The following SGCZ variants were observed in gnomAD, a reference collection of about 807,000 sequenced individuals.
SGCZ encodes sarcoglycan zeta.
SGCZ carries 40 observed loss-of-function variants against 41.3 expected under a neutral mutation model. The ratio of observed to expected loss-of-function variants is 0.97; its 90% CI spans 0.75 to 1.26. The LOEUF (loss-of-function observed/expected upper bound fraction) is 1.26. Among genes scored for constraint, SGCZ ranks in the 50% most tolerant of loss-of-function variants. The probability of loss-of-function intolerance (pLI) is 0.00; values close to 1 mark genes in which losing one functional copy is unlikely to be tolerated. For synonymous variants in SGCZ, 206 were observed against 137.5 expected, an observed-to-expected ratio of 1.50 and a Z score of -3.49; for missense variants, 552 against 369.8, an observed-to-expected ratio of 1.49 and a Z score of -4.04.
At chr8:14,870,761 T>C (rs560561402) in intron 1 of SGCZ, among the ~76,000 whole-genome samples, 1 of 148,694 alleles carries the variant, frequency 6.7e-6, no homozygotes, top group Admixed American at 6.7e-5. Flanking sequence ...AAAAAGTGGG[T>C]GAAGAATACG....
chr8:15,052,478 G>A (rs1471140062), intron 1 of SGCZ, among the ~76,000 whole-genome samples: 1 of 152,088 alleles, frequency 6.6e-6, no homozygotes, highest in Admixed American at 6.5e-5. Flanking sequence ...AGTAGAGGGG[G>A]ATCTGTGCAT....
chr8:14,343,372 G>A (rs1159727243), intron 2 of SGCZ, among the ~76,000 whole-genome samples: 1 of 152,170 alleles, frequency 6.6e-6, no homozygotes, highest in Admixed American at 6.5e-5. Context: ...AAAAGCCACA[G>A]ACACTCAACA....
intron 2 of SGCZ, among the ~76,000 whole-genome samples, chr8:14,414,401 G>C (rs1013841485): frequency 1.3e-5 from 2 of 151,866 alleles, no homozygotes; most frequent in African/African-American, 2.4e-5. Context: ...GAGAGTACAA[G>C]TAAAATTCCT....
intron 1 of SGCZ, among the ~76,000 whole-genome samples, chr8:15,096,406 A>G (rs965603775): frequency 6.6e-6 from 1 of 152,122 alleles, no homozygotes; most frequent in African/African-American, 2.4e-5. Context: ...GTTTATTGAA[A>G]TTCATGATTG....
At chr8:15,173,704 C>G (rs1799916132) in intron 1 of SGCZ, among the ~76,000 whole-genome samples, 2 of 152,128 alleles carry the variant, frequency 1.3e-5, no homozygotes, top group South Asian at 4.1e-4. Context: ...GAATGGTCAT[C>G]AGGCAGTTTT....
chr8:14,153,029 G>A (rs1210207251), intron 5 of SGCZ, among the ~76,000 whole-genome samples: 1 of 152,106 alleles, frequency 6.6e-6, no homozygotes, highest in Admixed American at 6.5e-5. Flanking sequence ...CGTGAGGGTG[G>A]AGGAAAAGGA....
At chr8:14,918,345 T>G (rs1402413099) in intron 1 of SGCZ, among the ~76,000 whole-genome samples, 1 of 152,088 alleles carries the variant, frequency 6.6e-6, no homozygotes, top group Non-Finnish European at 1.5e-5. Flanking sequence ...GAACATTTTC[T>G]TCTTCATGAA....
chr8:14,630,138 G>A (rs1326253864), intron 1 of SGCZ, among the ~76,000 whole-genome samples: 1 of 152,002 alleles, frequency 6.6e-6, no homozygotes, highest in Non-Finnish European at 1.5e-5. Context: ...TTCTCCCTAT[G>A]AAAGCAAAAT....
chr8:15,048,355 G>A (rs1037343695), intron 1 of SGCZ, among the ~76,000 whole-genome samples: 1 of 151,902 alleles, frequency 6.6e-6, no homozygotes, highest in Non-Finnish European at 1.5e-5. Context: ...GATGAAGAGA[G>A]GTTGGTTAAT....
intron 1 of SGCZ, among the ~76,000 whole-genome samples, chr8:15,187,737 A>T (rs1161532558): frequency 6.6e-6 from 1 of 152,066 alleles, no homozygotes; most frequent in African/African-American, 2.4e-5. Flanking sequence ...AACTATAGCC[A>T]TAAGGTTTTT....
At chr8:15,100,743 G>A (rs1806577540) in intron 1 of SGCZ, among the ~76,000 whole-genome samples, 1 of 152,148 alleles carries the variant, frequency 6.6e-6, no homozygotes, top group Non-Finnish European at 1.5e-5. Flanking sequence ...GGCATTTTGG[G>A]AGGCCAAACA....
chr8:14,790,455 C>T (rs367595209), intron 1 of SGCZ, among the ~76,000 whole-genome samples: 66 of 152,138 alleles, frequency 4.3e-4, no homozygotes, highest in East Asian at 2.5e-3. Flanking sequence ...ATGTATCAAA[C>T]GCATAAAAAA....
At chr8:14,235,239 T>C (rs948565293) in intron 4 of SGCZ, among the ~76,000 whole-genome samples, 2 of 152,218 alleles carry the variant, frequency 1.3e-5, no homozygotes, top group Admixed American at 1.3e-4. Context: ...CACACAGCCC[T>C]AGTCTTCTTT....
chr8:14,834,184 A>T (rs940591555), intron 1 of SGCZ, among the ~76,000 whole-genome samples: 3 of 152,110 alleles, frequency 2.0e-5, no homozygotes, highest in African/African-American at 7.2e-5. Flanking sequence ...TTTCCTGAAC[A>T]ACTGTGTCCT....
At position 15,237,601 on chromosome 8, in the gene SGCZ, T is replaced by C; in HGVS notation, c.23A>G (p.Asp8Gly). 1 of 1,590,938 alleles carries C rather than the reference T, an allele frequency of 6.3e-7. No homozygotes were observed. The highest frequency in any genetic ancestry group is 8.6e-7 in the Non-Finnish European group (1 of 1,166,896). Residue 8 changes from aspartate to glycine, a missense_variant, in exon 1 of 8, where the codon GAC (aspartate) becomes GGC (glycine). Coordinates refer to ENST00000382080, the MANE Select transcript of SGCZ (RefSeq NM_139167.4). Reference sequence around the variant, plus strand: ...CGCACGTACCTTGAGCTCCTCAATGTCCAGGTTCGTTGATCTGTCCATGGA... The same window carrying C: ...CGCACGTACCTTGAGCTCCTCAATGCCCAGGTTCGTTGATCTGTCCATGGA... MDRSTNL[D>G]IEELKMTREQ...
intron 3 of SGCZ, among the ~76,000 whole-genome samples, chr8:14,243,204 G>C (rs1015116088): frequency 1.3e-5 from 2 of 151,964 alleles, no homozygotes; most frequent in Non-Finnish European, 2.9e-5. Flanking sequence ...TAGATGATGT[G>C]AATTTGGTAT....
chr8:14,222,320 C>T (rs1472118892), intron 4 of SGCZ, among the ~76,000 whole-genome samples: 1 of 151,966 alleles, frequency 6.6e-6, no homozygotes, highest in Non-Finnish European at 1.5e-5. Flanking sequence ...CAGGCACCCA[C>T]CACCATACCC....
At chr8:15,105,169 A>C (rs1434243114) in intron 1 of SGCZ, among the ~76,000 whole-genome samples, 2 of 152,198 alleles carry the variant, frequency 1.3e-5, no homozygotes, top group East Asian at 3.8e-4. Context: ...TCTATTCAAG[A>C]CCTTACACAT....
chr8:14,628,571 A>G (rs1330744238), intron 1 of SGCZ, among the ~76,000 whole-genome samples: 4 of 152,130 alleles, frequency 2.6e-5, no homozygotes, highest in Admixed American at 2.6e-4. Context: ...GGTTCCATGG[A>G]TTGAAATTAT....
Sources: allele counts gnomAD v4.1 joint callset (sites outside exome capture counted in the v4.1 genomes callset), GRCh38; gene constraint gnomAD v4.1.1; transcripts MANE v1.5; gene names NCBI Gene and HGNC (gene_info 2026-07-23, HGNC 2026-07-21).